SUPT3H: variants seen among roughly 807,000 people sequenced by gnomAD.
SUPT3H encodes the protein SPT3 homolog, SAGA and STAGA complex component, also known as transcription initiation protein SPT3 homolog.
SUPT3H carries 44 observed loss-of-function variants against 44.3 expected under a neutral mutation model. That is an observed-to-expected ratio of 0.99 (90% CI 0.78 to 1.28). The LOEUF (loss-of-function observed/expected upper bound fraction) is 1.28, where lower values mean the gene tolerates loss of function less well. Among genes scored for constraint, SUPT3H ranks in the 50% most tolerant of loss-of-function variants. The pLI, the probability that SUPT3H is intolerant of heterozygous loss-of-function variation, is 0.00. For synonymous variants in SUPT3H, 124 were observed against 125.6 expected (o/e 0.99, Z 0.09); for missense variants, 380 against 387.1 (o/e 0.98, Z 0.15).
chr6:45,003,826 GTTC>G (rs1296609818), intron 5 of SUPT3H, 34 bp from the exon 6 acceptor site: 2 of 1,610,870 alleles, frequency 1.2e-6, no homozygotes, highest in South Asian at 2.2e-5. Flanking sequence ...AAAAAGAAAT[GTTC>G]TCAATAGGTT....
intron 2 of SUPT3H, among the ~76,000 whole-genome samples, chr6:45,359,629 T>A (rs1342804660): frequency 6.6e-6 from 1 of 152,230 alleles, no homozygotes; most frequent in Admixed American, 6.6e-5. Flanking sequence ...AAGCATCTAA[T>A]AAGTATATAG....
intron 6 of SUPT3H, among the ~76,000 whole-genome samples, chr6:44,979,186 G>T (rs1485903551): frequency 2.0e-5 from 3 of 152,102 alleles, no homozygotes; most frequent in Non-Finnish European, 4.4e-5. Context: ...AGCCCAGATG[G>T]TACTTATTTT....
intron 2 of SUPT3H, among the ~76,000 whole-genome samples, chr6:45,171,706 C>T (rs906175966): frequency 7.6e-5 from 11 of 144,024 alleles, no homozygotes; most frequent in Admixed American, 2.2e-4. Context: ...AACAAAAATT[C>T]CACTTGCTTT....
At chr6:45,034,440 C>G (rs1235331571) in intron 3 of SUPT3H, among the ~76,000 whole-genome samples, 1 of 152,120 alleles carries the variant, frequency 6.6e-6, no homozygotes, top group African/African-American at 2.4e-5. Flanking sequence ...CATTTAGTGT[C>G]ATATAAGTCT....
intron 2 of SUPT3H, among the ~76,000 whole-genome samples, chr6:45,265,910 A>G (rs1775174913): frequency 6.6e-6 from 1 of 152,076 alleles, no homozygotes; most frequent in African/African-American, 2.4e-5. Context: ...TGTATCTACC[A>G]AAAAGTGATC....
intron 2 of SUPT3H, among the ~76,000 whole-genome samples, chr6:45,280,248 T>A (rs985377872): frequency 9.2e-5 from 14 of 152,124 alleles, no homozygotes; most frequent in African/African-American, 3.4e-4. Context: ...ACACCTGTAA[T>A]CCCATCATTT....
chr6:45,222,729 C>T (rs1766268160), intron 2 of SUPT3H, among the ~76,000 whole-genome samples: 1 of 152,028 alleles, frequency 6.6e-6, no homozygotes, highest in Non-Finnish European at 1.5e-5. Context: ...TGTGTTCACG[C>T]AAAATTCTGT....
intron 6 of SUPT3H, among the ~76,000 whole-genome samples, chr6:44,979,881 C>T (rs922881617): frequency 6.6e-6 from 1 of 152,162 alleles, no homozygotes; most frequent in Non-Finnish European, 1.5e-5. Context: ...AAACTGTTAA[C>T]TAAAACAATT....
At chr6:45,033,545 A>C (rs763392890) in intron 3 of SUPT3H, among the ~76,000 whole-genome samples, 33 of 152,202 alleles carry the variant, frequency 2.2e-4, no homozygotes, top group Non-Finnish European at 5.9e-5. Context: ...TTAGATGTAC[A>C]ATAAATATTG....
At chr6:44,888,043 C>G (rs1222678518) in intron 10 of SUPT3H, among the ~76,000 whole-genome samples, 3 of 152,156 alleles carry the variant, frequency 2.0e-5, no homozygotes, top group African/African-American at 7.2e-5. Flanking sequence ...TGGACACATA[C>G]ACCCTCCCAA....
At position 44,949,580 on chromosome 6, in the gene SUPT3H, A is replaced by G. The variant is rs182333246; in HGVS notation, c.801+3730T>C. ...GTCACAAGATATGTAAAGAACTACA[A>G]ACTGGTAATAAAAGTCAGCCCCTTT... is the stretch of plus-strand genomic sequence containing the variant. On this transcript the variant is annotated intron_variant, in intron 9 of 10. Transcript: ENST00000371459. Among the ~76,000 whole-genome samples, 392 of 149,912 alleles carry G rather than the reference A, an allele frequency of 2.6e-3. 1 individual carries two copies. Among genetic ancestry groups the G allele is most frequent in the African/African-American group, 8.6e-3 (352 of 40,968 alleles).
intron 2 of SUPT3H, among the ~76,000 whole-genome samples, chr6:45,113,477 C>G (rs1224475148): frequency 2.0e-5 from 3 of 152,130 alleles, no homozygotes; most frequent in Non-Finnish European, 2.9e-5. Context: ...CACCTGTTTT[C>G]AAAGGAAGAA....
chr6:45,106,595 G>A (rs1219965854), intron 2 of SUPT3H, among the ~76,000 whole-genome samples: 6 of 151,914 alleles, frequency 3.9e-5, no homozygotes, highest in Admixed American at 3.9e-4. Flanking sequence ...GTAGTGCAGT[G>A]GCACAATCTC....
chr6:44,810,509 C>G (rs113395108), intron 11 of SUPT3H, among the ~76,000 whole-genome samples: 1 of 150,160 alleles, frequency 6.7e-6, no homozygotes. Context: ...ATTTAAGTTA[C>G]AGGATATTAA....
At chr6:45,011,131 G>A (rs1347529279) in intron 5 of SUPT3H, among the ~76,000 whole-genome samples, 1 of 151,902 alleles carries the variant, frequency 6.6e-6, no homozygotes, top group Non-Finnish European at 1.5e-5. Flanking sequence ...ATTCTGTTGA[G>A]GATTTTTGCA....
chr6:44,810,067 T>C (rs1044603471), intron 11 of SUPT3H, among the ~76,000 whole-genome samples: 1 of 152,152 alleles, frequency 6.6e-6, no homozygotes, highest in Non-Finnish European at 1.5e-5. Flanking sequence ...CCAAACCGAG[T>C]ATACTTCTGT....
chr6:45,328,603 T>C (rs576070888), intron 2 of SUPT3H: 5 of 1,604,460 alleles, frequency 3.1e-6, no homozygotes, highest in East Asian at 4.5e-5. Context: ...ATAAAGTCTA[T>C]GTACTCCAGG....
At chr6:45,291,208 A>G (rs144626451) in intron 2 of SUPT3H, among the ~76,000 whole-genome samples, 176 of 152,130 alleles carry the variant, frequency 1.2e-3, no homozygotes, top group African/African-American at 4.0e-3. Flanking sequence ...AATCACTACA[A>G]CTCGGCTCCC....
intron 2 of SUPT3H, among the ~76,000 whole-genome samples, chr6:45,197,209 T>C (rs1201652920): frequency 6.6e-6 from 1 of 151,666 alleles, no homozygotes; most frequent in Non-Finnish European, 1.5e-5. Flanking sequence ...TCCAATAAAA[T>C]TGTGTTCAAT....
Sources: allele counts gnomAD v4.1 joint callset (sites outside exome capture counted in the v4.1 genomes callset), GRCh38; gene constraint gnomAD v4.1.1; transcripts MANE v1.5; gene names NCBI Gene and HGNC (gene_info 2026-07-23, HGNC 2026-07-21).